RBFOX1: variants seen among roughly 807,000 people sequenced by gnomAD.
RBFOX1 encodes the protein RNA binding fox-1 homolog 1, also known as RNA binding protein fox-1 homolog 1.
A neutral mutation model predicts 57.7 loss-of-function variants in RBFOX1; 8 were observed. The observed-to-expected ratio is 0.14, with a 90% CI of 0.08 to 0.25. The LOEUF (loss-of-function observed/expected upper bound fraction) is 0.25. Among genes scored for constraint, RBFOX1 ranks in the 10% least tolerant of loss-of-function variants. The pLI, the probability that RBFOX1 is intolerant of heterozygous loss-of-function variation, is 1.00. For missense variants in RBFOX1, 611 were observed against 548.5 expected, an observed-to-expected ratio of 1.11 and a Z score of -1.14; for synonymous variants, 326 against 222.4, an observed-to-expected ratio of 1.47 and a Z score of -4.15.
At chr16:6,576,290 G>T (rs2097434916) in intron 2 of RBFOX1, among the ~76,000 whole-genome samples, 1 of 152,172 alleles carries the variant, frequency 6.6e-6, no homozygotes, top group African/African-American at 2.4e-5. Flanking sequence ...ACTCACTCAT[G>T]CTGAGACGAC....
chr16:5,732,997 G>A (rs577128398), intron 3 of RBFOX1, among the ~76,000 whole-genome samples: 53 of 152,238 alleles, frequency 3.5e-4, no homozygotes, highest in South Asian at 1.0e-3. Flanking sequence ...TTGCGATGGT[G>A]ACTATATGAT....
At chr16:5,313,504 T>G (rs1021191585) in intron 1 of RBFOX1, among the ~76,000 whole-genome samples, 2 of 152,114 alleles carry the variant, frequency 1.3e-5, no homozygotes, top group Non-Finnish European at 2.9e-5. Flanking sequence ...ACAAGAAGAC[T>G]GTATTAGTCC....
intron 3 of RBFOX1, among the ~76,000 whole-genome samples, chr16:6,702,464 G>C (rs1325616117): frequency 2.0e-5 from 3 of 152,068 alleles, no homozygotes; most frequent in African/African-American, 7.2e-5. Context: ...TGAGGCAGGA[G>C]AATTGCTTGA....
At chr16:5,747,422 T>C (rs1453878458) in intron 3 of RBFOX1, among the ~76,000 whole-genome samples, 1 of 152,182 alleles carries the variant, frequency 6.6e-6, no homozygotes, top group Non-Finnish European at 1.5e-5. Flanking sequence ...GAGGATTCCC[T>C]CTTTTTCTGT....
chr16:5,598,372 C>T (rs2047256664), intron 2 of RBFOX1, among the ~76,000 whole-genome samples: 3 of 152,264 alleles, frequency 2.0e-5, no homozygotes, highest in African/African-American at 7.2e-5. Context: ...ACATCCGGAC[C>T]AGCACTGCCT....
chr16:7,457,914 A>G (rs1402238710), intron 4 of RBFOX1, among the ~76,000 whole-genome samples: 1 of 152,060 alleles, frequency 6.6e-6, no homozygotes, highest in Non-Finnish European at 1.5e-5. Flanking sequence ...GTATATTCTC[A>G]GTCCCTCCAA....
intron 3 of RBFOX1, among the ~76,000 whole-genome samples, chr16:6,789,103 G>T (rs2082471448): frequency 6.6e-6 from 1 of 152,080 alleles, no homozygotes; most frequent in Non-Finnish European, 1.5e-5. Context: ...CAGCCTCCCT[G>T]AATTTACCAG....
At chr16:5,916,262 A>G (rs2058701556) in intron 4 of RBFOX1, among the ~76,000 whole-genome samples, 1 of 152,180 alleles carries the variant, frequency 6.6e-6, no homozygotes, top group Non-Finnish European at 1.5e-5. Flanking sequence ...CTTTATCCAT[A>G]ACAGCTCTAA....
chr16:6,250,456 T>G (rs558939712), intron 1 of RBFOX1, among the ~76,000 whole-genome samples: 14 of 152,272 alleles, frequency 9.2e-5, no homozygotes, highest in African/African-American at 3.4e-4. Context: ...AAATGAGCAA[T>G]GCTATGGACC....
intron 3 of RBFOX1, among the ~76,000 whole-genome samples, chr16:6,959,527 G>C (rs1598405611): frequency 1.3e-5 from 2 of 152,126 alleles, no homozygotes; most frequent in African/African-American, 4.8e-5. Context: ...CTCTCATTCT[G>C]TGTGCATTTG....
intron 4 of RBFOX1, among the ~76,000 whole-genome samples, chr16:5,942,323 GT>G (rs2059299407): frequency 6.6e-6 from 1 of 152,152 alleles, no homozygotes; most frequent in Non-Finnish European, 1.5e-5. Context: ...AATCATAGGT[GT>G]GTGGACAACG....
intron 10 of RBFOX1, chr16:7,614,966 C>T (rs2058183155): frequency 6.6e-6 from 1 of 152,176 alleles, no homozygotes; most frequent in Admixed American, 6.5e-5. Context: ...CACTGCTTTG[C>T]TACGCAGCAT....
At chr16:5,573,464 A>C (rs1465584370) in intron 2 of RBFOX1, among the ~76,000 whole-genome samples, 1 of 152,228 alleles carries the variant, frequency 6.6e-6, no homozygotes, top group African/African-American at 2.4e-5. Flanking sequence ...CGCTGGAGGC[A>C]GAGCCTGAGA....
At chr16:5,650,089 T>G (rs2049184900) in intron 3 of RBFOX1, among the ~76,000 whole-genome samples, 1 of 152,194 alleles carries the variant, frequency 6.6e-6, no homozygotes, top group Non-Finnish European at 1.5e-5. Flanking sequence ...GTTGGGGTCT[T>G]CATGGATGAG....
intron 4 of RBFOX1, among the ~76,000 whole-genome samples, chr16:7,438,725 A>T (rs1248962203): frequency 2.6e-5 from 4 of 152,128 alleles, no homozygotes; most frequent in Admixed American, 6.5e-5. Context: ...TTTCATCTTT[A>T]TTGAGCTGAG....
chr16:6,962,879 A>T (rs2083316274), intron 3 of RBFOX1, among the ~76,000 whole-genome samples: 1 of 152,020 alleles, frequency 6.6e-6, no homozygotes, highest in Non-Finnish European at 1.5e-5. Context: ...AAAAAGGGAA[A>T]AAAAGAAAAG....
intron 10 of RBFOX1, among the ~76,000 whole-genome samples, chr16:7,618,501 A>G (rs2058815801): frequency 1.3e-5 from 2 of 152,122 alleles, no homozygotes; most frequent in African/African-American, 2.4e-5. Context: ...AAGAAAGTAA[A>G]TTACCAGCGA....
intron 2 of RBFOX1, among the ~76,000 whole-genome samples, chr16:6,468,498 T>C (rs1209148147): frequency 6.6e-6 from 1 of 152,144 alleles, no homozygotes; most frequent in Admixed American, 6.5e-5. Context: ...AGATTATGAG[T>C]GATGCATCAT....
intron 1 of RBFOX1, among the ~76,000 whole-genome samples, chr16:5,343,178 G>A (rs1169184848): frequency 3.9e-5 from 6 of 152,086 alleles, no homozygotes; most frequent in African/African-American, 1.4e-4. Flanking sequence ...TACTCAAGAT[G>A]GGAGACAAAG....
Sources: allele counts gnomAD v4.1 joint callset (sites outside exome capture counted in the v4.1 genomes callset), GRCh38; gene constraint gnomAD v4.1.1; transcripts MANE v1.5; gene names NCBI Gene and HGNC (gene_info 2026-07-23, HGNC 2026-07-21).